Variants in SPATS2 observed in about 807,000 individuals in gnomAD.
SPATS2 encodes spermatogenesis-associated serine-rich protein 2.
Under a neutral mutation model 63.7 loss-of-function variants are expected in SPATS2, and 38 were observed. The ratio of observed to expected loss-of-function variants is 0.60; its 90% CI spans 0.46 to 0.78. The LOEUF (loss-of-function observed/expected upper bound fraction) is 0.78. SPATS2 is among the 30% of genes least tolerant of loss of function. SPATS2 has a pLI of 0.00. For missense variants in SPATS2, 588 were observed against 666.2 expected, an observed-to-expected ratio of 0.88 and a Z score of 1.29; for synonymous variants, 207 against 232.9, an observed-to-expected ratio of 0.89 and a Z score of 1.01.
chr12:49,382,544 T>G (rs1944240969), intron 2 of SPATS2, among the ~76,000 whole-genome samples: 1 of 151,988 alleles, frequency 6.6e-6, no homozygotes, highest in African/African-American at 2.4e-5. Flanking sequence ...AAGCAAAAGG[T>G]CCCCTTTACT....
At chr12:49,419,694 A>T (rs965963003) in intron 2 of SPATS2, among the ~76,000 whole-genome samples, 4 of 152,248 alleles carry the variant, frequency 2.6e-5, no homozygotes, top group Non-Finnish European at 1.5e-5. Flanking sequence ...ATTAGAATCC[A>T]GTGAGTTTGT....
chr12:49,524,667 A>G lies in SPATS2; in HGVS notation c.1112-15A>G. 6.2e-7 allele frequency: 1 copy of G among 1,613,338 alleles called. No homozygotes were observed. Among genetic ancestry groups the G allele is most frequent in the Non-Finnish European group, 8.5e-7 (1 of 1,179,314 alleles). On this transcript the variant is annotated splice_polypyrimidine_tract_variant and intron_variant, in intron 12 of 13. Transcript: ENST00000552918. Reference sequence around the variant, plus strand: ...TCTATCATATGATCATATATTCCTCATATTTCTGTTTCAGTGTCTCATCCA... The same window carrying G: ...TCTATCATATGATCATATATTCCTCGTATTTCTGTTTCAGTGTCTCATCCA...
chr12:49,514,483 C>G (rs1295961788), intron 9 of SPATS2, 72 bp from the exon 10 acceptor site: 1 of 1,410,376 alleles, frequency 7.1e-7, no homozygotes. Flanking sequence ...TCTTTCTTTA[C>G]TATTAATAAT....
At chr12:49,496,742 C>T (rs1338146871) in intron 7 of SPATS2, 91 bp from the exon 8 acceptor site, 1 of 1,364,670 alleles carries the variant, frequency 7.3e-7, no homozygotes, top group Non-Finnish European at 1.0e-6. Context: ...GGTTTTGCCT[C>T]AAACATTTTT....
At chr12:49,431,602 A>G (rs1229937805) in intron 2 of SPATS2, among the ~76,000 whole-genome samples, 2 of 152,228 alleles carry the variant, frequency 1.3e-5, no homozygotes, top group African/African-American at 4.8e-5. Context: ...TGGACAGATT[A>G]CAATTAATTA....
At chr12:49,426,262 T>C (rs373197540) in intron 2 of SPATS2, among the ~76,000 whole-genome samples, 2 of 152,008 alleles carry the variant, frequency 1.3e-5, no homozygotes, top group East Asian at 1.9e-4. Context: ...GGGTACAACG[T>C]AATGAATTTT....
intron 2 of SPATS2, chr12:49,389,758 A>G: frequency 1.4e-6 from 2 of 1,413,988 alleles, no homozygotes; most frequent in Admixed American, 1.7e-5. Flanking sequence ...GAATTGCAAC[A>G]AGAAAGAAAA....
In SPATS2 at chr12:49,522,780, G is replaced by A; in HGVS notation, c.1038G>A (p.Glu346=). 6.2e-7 allele frequency: 1 copy of A among 1,613,774 alleles called. No individual in the cohort carries two copies. The highest frequency in any genetic ancestry group is 8.5e-7 in the Non-Finnish European group (1 of 1,179,756). The part of the protein sequence containing the change: ...KHFVSERKYD[E]DLGRVARFTC... ...TTGTTAGTGAACGTAAATATGATGA[G>A]GATCTGGGACGAGTAGCCCGGTTCA... Residue 346 remains glutamate (E), a synonymous_variant, in exon 12 of 14, where the codon GAG becomes GAA. Coordinates refer to ENST00000552918, the MANE Select transcript of SPATS2 (RefSeq NM_023071.4).
intron 2 of SPATS2, among the ~76,000 whole-genome samples, chr12:49,448,951 T>TA (rs1221827764): frequency 2.6e-5 from 4 of 152,206 alleles, no homozygotes; most frequent in African/African-American, 9.6e-5. Context: ...TGGTCTGTGT[T>TA]ACAACTATTC....
rs567081918 is a variant in SPATS2 at position 49,374,063 on chromosome 12, A to T, written c.-244+2773A>T. On this transcript the variant is annotated intron_variant, in intron 2 of 13. Coordinates refer to ENST00000552918, the MANE Select transcript of SPATS2 (RefSeq NM_023071.4). Reference sequence around the variant, plus strand: ...ATCATGTCACTGCACTCCAACCTAAACAACAGAGACCCTGTCTCTAAACAA... The same window carrying T: ...ATCATGTCACTGCACTCCAACCTAATCAACAGAGACCCTGTCTCTAAACAA... 5.9e-5 allele frequency among the ~76,000 whole-genome samples: 9 copies of T among 152,196 alleles called. No individual in the cohort carries two copies. The East Asian group carries it at 1.4e-3, about 23-fold the overall frequency.
chr12:49,475,390 T>G (rs534936244), intron 3 of SPATS2, among the ~76,000 whole-genome samples: 2 of 152,340 alleles, frequency 1.3e-5, no homozygotes, highest in African/African-American at 4.8e-5. Flanking sequence ...ACAAAAAAAT[T>G]ACAATTGAAT....
chr12:49,406,284 CTTT>C (rs775907945), intron 2 of SPATS2, among the ~76,000 whole-genome samples: 2 of 142,512 alleles, frequency 1.4e-5, no homozygotes, highest in Non-Finnish European at 1.5e-5. Flanking sequence ...TTTTTGTAAA[CTTT>C]TTTTTTTTTT....
At chr12:49,487,709 C>T (rs146742381) in intron 4 of SPATS2, among the ~76,000 whole-genome samples, 53 of 151,956 alleles carry the variant, frequency 3.5e-4, no homozygotes, top group African/African-American at 1.2e-3. Flanking sequence ...GCAGTCCTCC[C>T]GCCTCACCCT....
chr12:49,450,809 G>T (rs370181018), intron 2 of SPATS2, among the ~76,000 whole-genome samples: 1 of 151,942 alleles, frequency 6.6e-6, no homozygotes, highest in South Asian at 2.1e-4. Context: ...CTCCCGAAGT[G>T]CTGGAATTAC....
At chr12:49,380,531 C>A (rs909362981) in intron 2 of SPATS2, among the ~76,000 whole-genome samples, 4 of 152,042 alleles carry the variant, frequency 2.6e-5, no homozygotes, top group Non-Finnish European at 4.4e-5. Context: ...CATGGCAAAA[C>A]CCCGCCTCTA....
At chr12:49,374,210 GTCCTTGAAC>G (rs1944052706) in intron 2 of SPATS2, among the ~76,000 whole-genome samples, 1 of 151,856 alleles carries the variant, frequency 6.6e-6, no homozygotes, top group Non-Finnish European at 1.5e-5. Flanking sequence ...AGTTCACTGC[GTCCTTGAAC>G]TCCTTGAACT....
chr12:49,452,093 T>C (rs1945632873), intron 2 of SPATS2, among the ~76,000 whole-genome samples: 1 of 152,218 alleles, frequency 6.6e-6, no homozygotes, highest in Non-Finnish European at 1.5e-5. Context: ...TGGATCTCTT[T>C]GTGTGTATTG....
In SPATS2 at chr12:49,500,695, C is replaced by G. The variant is rs187483451; in HGVS notation, c.839+490C>G. On this transcript the variant is annotated intron_variant, in intron 9 of 13. Transcript: ENST00000552918. The stretch of plus-strand genomic sequence containing the variant: ...GCTGAGGCAGGAGAATGGCGTGAAC[C>G]CGGGAGGCGGAGCTTGCAGTGAGCC... Among the ~76,000 whole-genome samples, 861 of 152,046 alleles carry G rather than the reference C, an allele frequency of 5.7e-3. 6 individuals carry two copies. The highest frequency in any genetic ancestry group is 8.8e-3 in the Non-Finnish European group (598 of 67,966).
intron 2 of SPATS2, among the ~76,000 whole-genome samples, chr12:49,436,131 A>G (rs1352116414): frequency 6.6e-6 from 1 of 152,030 alleles, no homozygotes; most frequent in East Asian, 1.9e-4. Flanking sequence ...CATTGTCATC[A>G]TGGCCCGTTC....
Sources: allele counts gnomAD v4.1 joint callset (sites outside exome capture counted in the v4.1 genomes callset), GRCh38; gene constraint gnomAD v4.1.1; transcripts MANE v1.5; gene names NCBI Gene and HGNC (gene_info 2026-07-23, HGNC 2026-07-21).